Variants in C10orf90 observed in about 807,000 individuals in gnomAD.
C10orf90 encodes the protein (E2-independent) E3 ubiquitin-conjugating enzyme FATS.
C10orf90 carries 56 observed loss-of-function variants against 62.5 expected under a neutral mutation model. The ratio of observed to expected loss-of-function variants is 0.90; its 90% confidence interval spans 0.72 to 1.12. The LOEUF (loss-of-function observed/expected upper bound fraction) is 1.12. C10orf90 is among the 50% of genes most tolerant of loss of function. C10orf90 has a pLI of 0.00. For missense variants in C10orf90, 970 were observed against 880.4 expected, an observed-to-expected ratio of 1.10 and a Z score of -1.29; for synonymous variants, 386 against 340.4, an observed-to-expected ratio of 1.13 and a Z score of -1.47.
At chr10:126,464,476 C>T (rs1256366483) in intron 5 of C10orf90, among the ~76,000 whole-genome samples, 1 of 152,168 alleles carries the variant, frequency 6.6e-6, no homozygotes, top group South Asian at 2.1e-4. Flanking sequence ...GCCTTGCCCA[C>T]AGTGGTCTTG....
chr10:126,511,053 T>C lies in C10orf90; in HGVS notation c.405+2795A>G, dbSNP rs557299121. 1.1e-4 allele frequency among the ~76,000 whole-genome samples: 17 copies of C among 152,344 alleles called. 1 individual carries two copies. In the South Asian group the frequency reaches 3.5e-3, roughly 32 times the overall value. On this transcript the variant is annotated intron_variant, in intron 3 of 9. Transcript: ENST00000488181. ...CAGCTTCCCACAGAAGACTCTGCAG[T>C]CCTCTCCGCGTTTGCTGCAAACCTG...
chr10:126,451,752 G>T (rs1859215131), intron 7 of C10orf90, among the ~76,000 whole-genome samples: 1 of 151,972 alleles, frequency 6.6e-6, no homozygotes, highest in Non-Finnish European at 1.5e-5. Context: ...CAGTCTTAAA[G>T]AAGAGGGAAA....
intron 2 of C10orf90, among the ~76,000 whole-genome samples, chr10:126,565,107 A>T (rs868177041): frequency 3.0e-5 from 1 of 33,446 alleles, no homozygotes; most frequent in African/African-American, 1.2e-4. Context: ...TAATATATAA[A>T]ATATATATTA....
chr10:126,528,897 A>G (rs961062773), intron 2 of C10orf90, among the ~76,000 whole-genome samples: 1 of 152,182 alleles, frequency 6.6e-6, no homozygotes, highest in African/African-American at 2.4e-5. Context: ...TGCCATTTGG[A>G]GAAAGGTAGA....
chr10:126,502,118 CCA>C, intron 4 of C10orf90, among the ~76,000 whole-genome samples: 1 of 141,360 alleles, frequency 7.1e-6, no homozygotes, highest in Non-Finnish European at 1.5e-5. Context: ...CACACACACA[CCA>C]CACACACACA....
intron 3 of C10orf90, among the ~76,000 whole-genome samples, chr10:126,507,830 C>T (rs12253769): frequency 0.87 from 132,531 of 152,216 alleles, 57,755 homozygotes; most frequent in Middle Eastern, 0.9. Flanking sequence ...AACATTTCTG[C>T]GGCACCCTGA....
At position 126,426,103 on chromosome 10, in the gene C10orf90, C is replaced by T. The variant is rs545625016; in HGVS notation, c.2253-13G>A. On this transcript the variant is annotated splice_polypyrimidine_tract_variant and intron_variant, in intron 8 of 9. Transcript: ENST00000488181. ...GTTATCATAGATTCTGAAACAGATT[C>T]GGAAAACATTTGGAATGGTAGCTTG... 2.6e-5 allele frequency: 41 copies of T among 1,605,340 alleles called. No individual in the cohort carries two copies. The highest frequency in any genetic ancestry group is 5.0e-5 in the Admixed American group (3 of 60,018).
chr10:126,526,112 A>G (rs1472012798), intron 2 of C10orf90, among the ~76,000 whole-genome samples: 5 of 151,944 alleles, frequency 3.3e-5, no homozygotes, highest in Admixed American at 1.3e-4. Flanking sequence ...GGCCCCAGCT[A>G]GGAAGTCACA....
chr10:126,548,961 C>T (rs1249117571), intron 2 of C10orf90, among the ~76,000 whole-genome samples: 1 of 152,042 alleles, frequency 6.6e-6, no homozygotes, highest in Non-Finnish European at 1.5e-5. Context: ...ACTAGACACT[C>T]AAAGGCCAAA....
intron 2 of C10orf90, among the ~76,000 whole-genome samples, chr10:126,600,565 C>T (rs533094339): frequency 6.6e-5 from 10 of 152,272 alleles, no homozygotes; most frequent in African/African-American, 2.4e-4. Context: ...GGATGAGAAA[C>T]CCCCTCACCC....
rs1171182982 is a variant in C10orf90 at position 126,504,948 on chromosome 10, G to A, written c.543C>T (p.Ala181=). 1 of 1,614,234 alleles carries A rather than the reference G, an allele frequency of 6.2e-7. No individual in the cohort carries two copies. The highest frequency in any genetic ancestry group is 1.1e-5 in the South Asian group (1 of 91,084). ...CGCTGCGGTTAGCCAGAGATTGCTT[G>A]GCGTGATGTGCACGAGACTGAGCAA... ...CAIAQSRAHH[A]KQSLANRSGV... is the part of the protein sequence containing the mutation. The change falls in exon 4 of 10, where the codon GCC becomes GCT. Residue 181 remains alanine (A), a synonymous_variant. Transcript: ENST00000488181. The surrounding 1 kb of genome is among the most constrained non-coding windows in gnomAD (Gnocchi z 4.1).
At chr10:126,653,598 C>G (rs993008243) in intron 1 of C10orf90, among the ~76,000 whole-genome samples, 1 of 152,172 alleles carries the variant, frequency 6.6e-6, no homozygotes, top group Non-Finnish European at 1.5e-5. Flanking sequence ...ACTGAAGTCT[C>G]GAACCCCTCA....
intron 2 of C10orf90, among the ~76,000 whole-genome samples, chr10:126,518,887 C>T (rs990065324): frequency 2.6e-5 from 4 of 152,096 alleles, no homozygotes; most frequent in South Asian, 2.1e-4. Context: ...TCCAGAATCC[C>T]GGTTTTCTGC....
chr10:126,452,559 C>G (rs996604277), intron 7 of C10orf90, among the ~76,000 whole-genome samples: 3 of 152,196 alleles, frequency 2.0e-5, no homozygotes, highest in Non-Finnish European at 2.9e-5. Context: ...GGAAATGTAA[C>G]TCCTCATAAA....
chr10:126,608,999 G>A (rs1325958363), intron 2 of C10orf90, among the ~76,000 whole-genome samples: 1 of 152,140 alleles, frequency 6.6e-6, no homozygotes, highest in East Asian at 1.9e-4. Flanking sequence ...AAACCCACTG[G>A]CTTAAAAATT....
chr10:126,473,663 A>G (rs1489679613), intron 4 of C10orf90, among the ~76,000 whole-genome samples: 4 of 151,992 alleles, frequency 2.6e-5, no homozygotes, highest in African/African-American at 4.8e-5. Context: ...TTTTTTTACA[A>G]TAGATACGCT....
intron 4 of C10orf90, among the ~76,000 whole-genome samples, chr10:126,489,998 T>A (rs1458141101): frequency 1.6e-4 from 14 of 88,954 alleles, no homozygotes; most frequent in Middle Eastern, 4.5e-3. Flanking sequence ...TAATATATAT[T>A]ATATATTATA....
At chr10:126,559,896 T>G (rs1317694430) in intron 2 of C10orf90, among the ~76,000 whole-genome samples, 1 of 152,204 alleles carries the variant, frequency 6.6e-6, no homozygotes, top group African/African-American at 2.4e-5. Context: ...CTACTGAAAT[T>G]AGACCCTCAA....
intron 2 of C10orf90, among the ~76,000 whole-genome samples, chr10:126,532,148 C>T (rs1864111066): frequency 6.6e-6 from 1 of 152,186 alleles, no homozygotes; most frequent in South Asian, 2.1e-4. Flanking sequence ...GATATGCCTC[C>T]AACCTGCCAG....
Sources: gnomAD v4.1 joint callset for allele counts (sites outside exome capture counted in the v4.1 genomes callset) on GRCh38, gnomAD v4.1.1 for gene constraint, Gnocchi (gnomAD v3.1) non-coding constraint, MANE v1.5 for transcripts, NCBI Gene and HGNC (gene_info 2026-07-23, HGNC 2026-07-21) for gene names.